Variants in ADAMTSL1 observed in about 807,000 individuals in gnomAD.
ADAMTSL1 encodes the protein ADAMTS like 1.
ADAMTSL1 carries 126 observed loss-of-function variants against 201.8 expected under a neutral mutation model. The ratio of observed to expected loss-of-function variants is 0.62; its 90% confidence interval spans 0.54 to 0.72. ADAMTSL1 has a LOEUF of 0.72. Among genes scored for constraint, ADAMTSL1 ranks in the 30% least tolerant of loss-of-function variants. The pLI, the probability that ADAMTSL1 is intolerant of heterozygous loss-of-function variation, is 0.00. For synonymous variants in ADAMTSL1, 1,121 were observed against 903.4 expected, an observed-to-expected ratio of 1.24 and a Z score of -4.32; for missense variants, 2,679 against 2,277.8, an observed-to-expected ratio of 1.18 and a Z score of -3.59.
intron 15 of ADAMTSL1, among the ~76,000 whole-genome samples, chr9:18,746,696 A>T (rs977534717): frequency 5.3e-5 from 8 of 151,930 alleles, no homozygotes; most frequent in African/African-American, 1.7e-4. Context: ...TCTGGAGGCA[A>T]CAGTCATCAC....
chr9:17,940,294 T>C (rs1827186081), intron 1 of ADAMTSL1, among the ~76,000 whole-genome samples: 1 of 152,072 alleles, frequency 6.6e-6, no homozygotes, highest in Admixed American at 6.6e-5. Context: ...GCAGAGATGA[T>C]TTGGGAGGGT....
chr9:18,283,403 G>A (rs1832867125), intron 2 of ADAMTSL1, among the ~76,000 whole-genome samples: 1 of 151,754 alleles, frequency 6.6e-6, no homozygotes, highest in African/African-American at 2.4e-5. Context: ...CCAGAACTTT[G>A]AAAACAACCT....
At position 18,909,210 on chromosome 9, in the gene ADAMTSL1, G is replaced by C. The variant is rs1050667419; in HGVS notation, c.*662G>C. 3 of 152,674 alleles carry C rather than the reference G, an allele frequency of 2.0e-5. No homozygotes were observed. The highest frequency in any genetic ancestry group is 2.9e-5 in the Non-Finnish European group (2 of 68,388). 9.5% of individuals were successfully genotyped at this position (152,674 alleles called of 1,614,324 possible). ...ATTGCAGAAAATGAGGAAGGGAGGG[G>C]AGGGAAGGGACAGAAGCAAAAAGGA... On this transcript the variant is annotated 3_prime_UTR_variant, in exon 29 of 29. Coordinates refer to ENST00000380548, the MANE Select transcript of ADAMTSL1 (RefSeq NM_001040272.6).
intron 2 of ADAMTSL1, among the ~76,000 whole-genome samples, chr9:18,531,030 C>G (rs186153562): frequency 6.6e-6 from 1 of 152,152 alleles, no homozygotes; most frequent in Non-Finnish European, 1.5e-5. Context: ...ACCTAGCTCT[C>G]ATATTGTTGG....
intron 1 of ADAMTSL1, among the ~76,000 whole-genome samples, chr9:17,974,496 T>C (rs1246904226): frequency 6.6e-6 from 1 of 151,996 alleles, no homozygotes; most frequent in Admixed American, 6.6e-5. Context: ...TGAAACTTTG[T>C]ACCTTTTGAC....
intron 1 of ADAMTSL1, among the ~76,000 whole-genome samples, chr9:17,955,019 C>T (rs1442258820): frequency 6.6e-6 from 1 of 151,888 alleles, no homozygotes; most frequent in African/African-American, 2.4e-5. Flanking sequence ...GGATGTGGCC[C>T]CAGTTAAAAA....
intron 23 of ADAMTSL1, among the ~76,000 whole-genome samples, chr9:18,879,550 G>A (rs967322107): frequency 3.3e-5 from 5 of 152,166 alleles, no homozygotes; most frequent in African/African-American, 1.2e-4. Context: ...CCCAATACAT[G>A]TAAAAGTTAT....
At chr9:18,289,777 T>G (rs775178350) in intron 2 of ADAMTSL1, among the ~76,000 whole-genome samples, 1 of 152,236 alleles carries the variant, frequency 6.6e-6, no homozygotes, top group Non-Finnish European at 1.5e-5. Context: ...CCAGCTCTAT[T>G]TTTTAATATT....
At chr9:18,238,122 G>T (rs1223529141) in intron 2 of ADAMTSL1, among the ~76,000 whole-genome samples, 2 of 152,198 alleles carry the variant, frequency 1.3e-5, no homozygotes, top group Non-Finnish European at 2.9e-5. Context: ...AGGTCTGGGA[G>T]ATGTTGACTG....
At chr9:18,270,248 G>A (rs891046984) in intron 2 of ADAMTSL1, among the ~76,000 whole-genome samples, 1 of 151,968 alleles carries the variant, frequency 6.6e-6, no homozygotes, top group African/African-American at 2.4e-5. Context: ...GTACTCTGGG[G>A]TACCTTTTAT....
At chr9:18,698,420 G>C (rs1831701553) in intron 13 of ADAMTSL1, among the ~76,000 whole-genome samples, 1 of 152,116 alleles carries the variant, frequency 6.6e-6, no homozygotes, top group Non-Finnish European at 1.5e-5. Context: ...AGTAGCTTGG[G>C]CTTGCAGGTG....
chr9:18,136,003 C>G (rs895863413), intron 1 of ADAMTSL1, among the ~76,000 whole-genome samples: 1 of 152,088 alleles, frequency 6.6e-6, no homozygotes, highest in African/African-American at 2.4e-5. Context: ...TTTATTTGCT[C>G]AGGATCATGT....
chr9:18,275,163 A>C lies in ADAMTSL1; in HGVS notation c.207+111182A>C, dbSNP rs113708815. Among the ~76,000 whole-genome samples the C allele has an allele frequency of 2.6e-3, 391 of 152,274 alleles. 1 individual carries two copies. The highest frequency in any genetic ancestry group is 7.4e-3 in the African/African-American group (308 of 41,566). ...TTGGGAGTATTTAAAGAAAGAGTAAAAACTAATTTCAAAAGACCTCTTAGT... is the reference window on the plus strand; with the variant it reads ...TTGGGAGTATTTAAAGAAAGAGTAACAACTAATTTCAAAAGACCTCTTAGT... On this transcript the variant is annotated intron_variant, in intron 2 of 29. Coordinates refer to the ADAMTSL1 transcript ENST00000680146.
rs1011450470 is a variant in ADAMTSL1, at chr9:18,499,153, C to A, written c.64-5676C>A. 3.3e-5 allele frequency among the ~76,000 whole-genome samples: 5 copies of A among 152,238 alleles called. No homozygotes were observed. In the East Asian group the frequency reaches 9.6e-4, roughly 29 times the overall value. ...GAAAGACCATGCACTGTGTCACTGG[C>A]AGTTCATCATATCTCCCAACAGTGC... On this transcript the variant is annotated intron_variant, in intron 1 of 28. Coordinates refer to ENST00000380548, the MANE Select transcript of ADAMTSL1 (RefSeq NM_001040272.6).
chr9:18,114,650 C>G (rs1351012180), intron 1 of ADAMTSL1, among the ~76,000 whole-genome samples: 1 of 152,094 alleles, frequency 6.6e-6, no homozygotes, highest in Non-Finnish European at 1.5e-5. Flanking sequence ...ACATCAGACT[C>G]TGGAACTCAA....
chr9:18,420,652 A>G (rs574972710), intron 2 of ADAMTSL1, among the ~76,000 whole-genome samples: 3 of 152,280 alleles, frequency 2.0e-5, no homozygotes, highest in South Asian at 4.2e-4. Context: ...CATTGATAGC[A>G]GGGGACCTGT....
chr9:18,359,823 A>ACC (rs1563911432), intron 2 of ADAMTSL1, among the ~76,000 whole-genome samples: 12 of 42,198 alleles, frequency 2.8e-4, no homozygotes, highest in Non-Finnish European at 4.6e-4. Flanking sequence ...CCACCTCCCC[A>ACC]CCCGCCCCCC....
chr9:18,632,296 A>G (rs1007909084), intron 5 of ADAMTSL1, among the ~76,000 whole-genome samples: 1 of 152,242 alleles, frequency 6.6e-6, no homozygotes, highest in Non-Finnish European at 1.5e-5. Context: ...GCTTTTTATG[A>G]ACATGCAGAA....
chr9:18,581,713 A>C (rs968694202), intron 4 of ADAMTSL1, among the ~76,000 whole-genome samples: 1 of 152,178 alleles, frequency 6.6e-6, no homozygotes, highest in African/African-American at 2.4e-5. Flanking sequence ...ATTCCCACTC[A>C]AAAAGGGAAA....
Sources: gnomAD v4.1 joint callset for allele counts (sites outside exome capture counted in the v4.1 genomes callset) on GRCh38, gnomAD v4.1.1 for gene constraint, MANE v1.5 for transcripts, NCBI Gene and HGNC (gene_info 2026-07-23, HGNC 2026-07-21) for gene names.